URB2: variants seen among roughly 807,000 people sequenced by gnomAD.
URB2 encodes URB2 ribosome biogenesis homolog.
A neutral mutation model predicts 120.9 loss-of-function variants in URB2; 86 were observed. The ratio of observed to expected loss-of-function variants is 0.71; its 90% CI spans 0.60 to 0.85. URB2 has a LOEUF of 0.85. Among genes scored for constraint, URB2 ranks in the 40% least tolerant of loss-of-function variants. URB2 has a pLI of 0.00. For missense variants in URB2, 1,765 were observed against 1,836.5 expected, an observed-to-expected ratio of 0.96 and a Z score of 0.71; for synonymous variants, 755 against 758.4, an observed-to-expected ratio of 1.00 and a Z score of 0.07.
Position 229,638,163 on chromosome 1 carries a change from CTG to C in URB2, c.3552_3553del (p.Phe1185LeufsTer29). On this transcript the variant is annotated frameshift_variant, in exon 4 of 10. Transcript: ENST00000258243. LOFTEE classifies it high-confidence loss of function. Reference sequence around the variant, plus strand: ...TCAGGCAGCCTTGCAGTTTTTGACTCTGTTCTTTTTGGCCCCAGAACTGCATC... The same window carrying C: ...TCAGGCAGCCTTGCAGTTTTTGACTCTTCTTTTTGGCCCCAGAACTGCATC... ...SFQAALQFLT[L>X]FFLAPELHPK... 1.2e-6 allele frequency: 2 copies of C among 1,614,214 alleles called. No homozygotes were observed.
intron 3 of URB2, among the ~76,000 whole-genome samples, chr1:229,634,533 C>A (rs569090355): frequency 1.8e-4 from 28 of 152,230 alleles, no homozygotes; most frequent in Admixed American, 1.6e-3. Context: ...ACCACAAGAT[C>A]ATAATTTAAG....
chr1:229,628,134 T>C lies in URB2; in HGVS notation c.126+375T>C, dbSNP rs188776979. 2.6e-3 allele frequency among the ~76,000 whole-genome samples: 350 copies of C among 136,580 alleles called. 4 individuals carry two copies. Among genetic ancestry groups the C allele is most frequent in the Non-Finnish European group, 3.7e-3 (244 of 65,722 alleles). The allele number at this position is 136,580 out of a possible 152,430, so 89.6% of individuals were successfully genotyped here. A position where few individuals can be genotyped will look rare whatever the true frequency, so the allele number is the denominator to read the frequency against. On this transcript the variant is annotated intron_variant, in intron 2 of 9. Coordinates refer to ENST00000258243, the MANE Select transcript of URB2 (RefSeq NM_014777.4). The stretch of plus-strand genomic sequence containing the variant: ...GTATATATATGTATATATACATATA[T>C]AATATATATATAATATATATAGTAT...
chr1:229,632,815 T>G (rs1286349849), intron 3 of URB2, among the ~76,000 whole-genome samples: 3 of 150,504 alleles, frequency 2.0e-5, no homozygotes, highest in Non-Finnish European at 4.4e-5. Flanking sequence ...TCAAAGGTTT[T>G]TTTTTTTTTT....
rs138550491 is a variant in URB2 at position 229,639,256 on chromosome 1, A to G, written c.3634+1009A>G. 3.3e-5 allele frequency among the ~76,000 whole-genome samples: 5 copies of G among 152,162 alleles called. No homozygotes were observed. In the East Asian group the frequency reaches 9.7e-4, roughly 29 times the overall value. On this transcript the variant is annotated intron_variant, in intron 4 of 9. Coordinates refer to ENST00000258243, the MANE Select transcript of URB2 (RefSeq NM_014777.4). ...TGCTGCAGTGAGTCTTGATCCTGCC[A>G]TTGTACTCCAGCCTGGGTGACACAG...
At position 229,638,214 on chromosome 1, in the gene URB2, T is replaced by C. The variant is rs1325563551; in HGVS notation, c.3601T>C (p.Ser1201Pro). Residue 1201 changes from serine to proline, a missense_variant, in exon 4 of 10, where the codon TCC becomes CCC. Coordinates refer to ENST00000258243, the MANE Select transcript of URB2 (RefSeq NM_014777.4). ...TCCCAAAAAGGACTCCGTGTTTACC[T>C]CCATGTTTCATTCTGTGAGAAGAGT... ...LHPKKDSVFT[S>P]MFHSVRRVLA... 2 of 1,609,838 alleles carry C rather than the reference T, an allele frequency of 1.2e-6. No individual in the cohort carries two copies. Among genetic ancestry groups the C allele is most frequent in the African/African-American group, 2.7e-5 (2 of 74,694 alleles).
chr1:229,644,473 A>C (rs1666089303), intron 5 of URB2, among the ~76,000 whole-genome samples: 1 of 152,194 alleles, frequency 6.6e-6, no homozygotes, highest in Non-Finnish European at 1.5e-5. Context: ...TGCACTGAAG[A>C]ATGCAGGGGA....
At chr1:229,645,055 G>T (rs1666106681) in intron 5 of URB2, among the ~76,000 whole-genome samples, 1 of 152,146 alleles carries the variant, frequency 6.6e-6, no homozygotes, top group African/African-American at 2.4e-5. Flanking sequence ...GGAGGCCAAG[G>T]TGGGTGGATT....
At chr1:229,655,910 C>G (rs1666396628) in intron 9 of URB2, among the ~76,000 whole-genome samples, 2 of 152,238 alleles carry the variant, frequency 1.3e-5, no homozygotes, top group South Asian at 4.1e-4. Context: ...CATCCCTGCT[C>G]CTGTTTTAGA....
chr1:229,637,519 A>G lies in URB2; in HGVS notation c.2906A>G (p.Asp969Gly), dbSNP rs759298857. The change falls in exon 4 of 10, where the codon GAT (aspartate) becomes GGT (glycine). Residue 969 changes from aspartate to glycine, a missense_variant. Transcript: ENST00000258243. ...GTGTTCAAGATCATGTATGGTAGTG[A>G]TATTTTTGAGGTTGTACTGACCTCA... is the stretch of plus-strand genomic sequence containing the variant. ...RSVFKIMYGS[D>G]IFEVVLTSLF... The G allele has an allele frequency of 8.1e-6, 13 of 1,614,052 alleles. No individual in the cohort carries two copies. The South Asian group carries it at 1.4e-4, about 18-fold the overall frequency.
rs376646931 is a variant in URB2 at position 229,637,936 on chromosome 1, G to A, written c.3323G>A (p.Arg1108Gln). The A allele has an allele frequency of 5.0e-5, 81 of 1,612,682 alleles. No individual in the cohort carries two copies. Among genetic ancestry groups the A allele is most frequent in the Non-Finnish European group, 6.9e-5 (81 of 1,179,560 alleles). Reference sequence around the variant, plus strand: ...CAGCTCTGCTCAGTGCCGGGGGCCCGGGGCTGGCGCCTTCCCTCGGTCCTC... The same window carrying A: ...CAGCTCTGCTCAGTGCCGGGGGCCCAGGGCTGGCGCCTTCCCTCGGTCCTC... ...VLQLCSVPGA[R>Q]GWRLPSVLIS... The change falls in exon 4 of 10, where the codon CGG becomes CAG. Residue 1108 changes from arginine (R) to glutamine (Q), a missense_variant. Physicochemically the swap from Arg to Gln is conservative, Grantham distance 43 (BLOSUM62 1). Transcript: ENST00000258243.
chr1:229,647,486 C>A lies in URB2; in HGVS notation c.3907-24C>A, dbSNP rs200570230. The stretch of plus-strand genomic sequence containing the variant: ...TCCTTGGGGAATTACTTTCATTTTT[C>A]CTTTATTTTATTTTGCCCTTTAGCT... On this transcript the variant is annotated intron_variant, in intron 6 of 9. Transcript: ENST00000258243. 6.2e-6 allele frequency: 10 copies of A among 1,600,112 alleles called. No homozygotes were observed. The East Asian group carries it at 1.6e-4, about 25-fold the overall frequency.
intron 2 of URB2, among the ~76,000 whole-genome samples, chr1:229,630,982 CAAAAAAAAAAAAAAAA>C (rs57940336): frequency 6.1e-5 from 4 of 65,108 alleles, no homozygotes; most frequent in African/African-American, 1.2e-4. Flanking sequence ...AACTCCGTCT[CAAAAAAAAAAAAAAAA>C]AAAAAAAGAA....
Position 229,637,490 on chromosome 1 carries a change from C to T in URB2, c.2877C>T (p.Arg959=), listed in dbSNP as rs772595372. ...LGYLQKGKSA[R]SVFKIMYGSD... ...ACTTGCAAAAGGGGAAAAGTGCTCGCTCTGTGTTCAAGATCATGTATGGTA... is the reference window on the plus strand; with the variant it reads ...ACTTGCAAAAGGGGAAAAGTGCTCGTTCTGTGTTCAAGATCATGTATGGTA... The change falls in exon 4 of 10, where the codon CGC becomes CGT. Residue 959 remains arginine (R), a synonymous_variant. Coordinates refer to ENST00000258243, the MANE Select transcript of URB2 (RefSeq NM_014777.4). The T allele has an allele frequency of 6.2e-6, 10 of 1,614,096 alleles. No homozygotes were observed. The highest frequency in any genetic ancestry group is 1.3e-5 in the African/African-American group (1 of 74,928).
In URB2 at chr1:229,654,288, G is replaced by T; in HGVS notation, c.4277G>T (p.Arg1426Leu). 2 of 1,614,148 alleles carry T rather than the reference G, an allele frequency of 1.2e-6. No individual in the cohort carries two copies. The highest frequency in any genetic ancestry group is 1.7e-6 in the Non-Finnish European group (2 of 1,180,032). ...CTGCCTACGGTCCTAAAGTGTGCACGCCTGGTTGAAAGAATGTACAGCCAC... is the reference window on the plus strand; with the variant it reads ...CTGCCTACGGTCCTAAAGTGTGCACTCCTGGTTGAAAGAATGTACAGCCAC... Reference protein sequence around the residue: ...DDLPTVLKCARLVERMYSHIA... With the variant: ...DDLPTVLKCALLVERMYSHIA... Residue 1426 changes from arginine to leucine, a missense_variant, in exon 9 of 10, where the codon CGC (arginine) becomes CTC (leucine). Transcript: ENST00000258243.
chr1:229,628,547 C>T (rs2102777650), intron 2 of URB2, among the ~76,000 whole-genome samples: 1 of 152,202 alleles, frequency 6.6e-6, no homozygotes. Context: ...TCTGAAAGTC[C>T]ATTGATAGCT....
chr1:229,659,910 G>C lies in URB2; in HGVS notation c.*613G>C, dbSNP rs1666484713. 6.6e-5 allele frequency: 10 copies of C among 150,990 alleles called. No homozygotes were observed. In the Admixed American group the frequency reaches 6.6e-4, roughly 10 times the overall value. 9.4% of individuals were successfully genotyped at this position (150,990 alleles called of 1,614,324 possible). On this transcript the variant is annotated 3_prime_UTR_variant, in exon 10 of 10. Coordinates refer to ENST00000258243, the MANE Select transcript of URB2 (RefSeq NM_014777.4). ...CAGGGCTCCTGCCTGCTCCTCCTGT[G>C]TTAGCTCTGTGAAGTTCATTTAGGA...
At chr1:229,654,580 A>G (rs1014857459) in intron 9 of URB2, among the ~76,000 whole-genome samples, 192 bp downstream of exon 9, 1 of 151,918 alleles carries the variant, frequency 6.6e-6, no homozygotes, top group Non-Finnish European at 1.5e-5. Flanking sequence ...ACAGCCTCGA[A>G]CTCCTGGGCT....
chr1:229,656,373 C>A (rs1317447563), intron 9 of URB2, among the ~76,000 whole-genome samples: 1 of 152,262 alleles, frequency 6.6e-6, no homozygotes, highest in Non-Finnish European at 1.5e-5. Context: ...GGCTTCCTGG[C>A]CTCATTATTC....
rs745532173 is a variant in URB2, at chr1:229,636,205, G to T, written c.1592G>T (p.Ser531Ile). 3.1e-6 allele frequency: 5 copies of T among 1,613,440 alleles called. No individual in the cohort carries two copies. Among genetic ancestry groups the T allele is most frequent in the East Asian group, 2.2e-5 (1 of 44,850 alleles). Residue 531 changes from serine to isoleucine, a missense_variant, in exon 4 of 10, where the codon AGT becomes ATT. Physicochemically the swap from Ser to Ile is moderately radical, Grantham distance 142. Transcript: ENST00000258243. ...FQSLVLPYLQ[S>I]DADMALKSLS... ...TCTTTAGTCTTGCCCTATTTGCAGA[G>T]TGATGCCGACATGGCCCTGAAATCA... is the stretch of plus-strand genomic sequence containing the variant.
Sources: allele counts gnomAD v4.1 joint callset (sites outside exome capture counted in the v4.1 genomes callset), GRCh38; gene constraint gnomAD v4.1.1; transcripts MANE v1.5; gene names NCBI Gene and HGNC (gene_info 2026-07-23, HGNC 2026-07-21).